SLC2A13: variants seen among roughly 807,000 people sequenced by gnomAD.
SLC2A13 encodes solute carrier family 2 member 13, also known as proton myo-inositol cotransporter.
Under a neutral mutation model 64.4 loss-of-function variants are expected in SLC2A13, and 32 were observed. The observed-to-expected ratio is 0.50, with a 90% CI of 0.37 to 0.67. SLC2A13 has a LOEUF of 0.67. SLC2A13 is among the 30% of genes least tolerant of loss of function. The pLI, the probability that SLC2A13 is intolerant of heterozygous loss-of-function variation, is 0.00. For missense variants in SLC2A13, 743 were observed against 829.2 expected (o/e 0.90, Z 1.28); for synonymous variants, 338 against 327.1 (o/e 1.03, Z -0.36).
chr12:39,909,764 A>G (rs1467181488), intron 4 of SLC2A13, among the ~76,000 whole-genome samples: 5 of 151,910 alleles, frequency 3.3e-5, no homozygotes, highest in Admixed American at 3.3e-4. Context: ...GACATATAGG[A>G]TTTTACTGAG....
chr12:39,884,122 A>G (rs957939322), intron 4 of SLC2A13, among the ~76,000 whole-genome samples: 1 of 152,142 alleles, frequency 6.6e-6, no homozygotes, highest in African/African-American at 2.4e-5. Flanking sequence ...CTGTAAACTA[A>G]ATCTGTATTT....
intron 7 of SLC2A13, among the ~76,000 whole-genome samples, chr12:39,776,317 G>A (rs1005021022): frequency 6.6e-6 from 1 of 152,128 alleles, no homozygotes; most frequent in Admixed American, 6.5e-5. Context: ...TCTGCCGACA[G>A]CTGAGTGGTC....
intron 3 of SLC2A13, among the ~76,000 whole-genome samples, chr12:40,003,769 C>T (rs1947359399): frequency 6.6e-6 from 1 of 151,756 alleles, no homozygotes; most frequent in Non-Finnish European, 1.5e-5. Flanking sequence ...TATAATACCA[C>T]ACACAAAAAT....
intron 7 of SLC2A13, among the ~76,000 whole-genome samples, chr12:39,812,483 C>A (rs955428295): frequency 6.7e-6 from 1 of 148,674 alleles, no homozygotes; most frequent in African/African-American, 2.5e-5. Flanking sequence ...CCCCTTCTCT[C>A]TTTTTGTGAG....
At chr12:39,770,955 G>T (rs1940543674) in intron 7 of SLC2A13, among the ~76,000 whole-genome samples, 1 of 152,136 alleles carries the variant, frequency 6.6e-6, no homozygotes, top group Non-Finnish European at 1.5e-5. Flanking sequence ...ATATCTCAAA[G>T]CTGTGTCATC....
Position 39,914,998 on chromosome 12 carries a change from CA to C in SLC2A13, c.1034+36258del, listed in dbSNP as rs1235362277. 5.3e-5 allele frequency among the ~76,000 whole-genome samples: 8 copies of C among 151,824 alleles called. No individual in the cohort carries two copies. The East Asian group carries it at 1.4e-3, about 26-fold the overall frequency. On this transcript the variant is annotated intron_variant, in intron 4 of 9. Coordinates refer to ENST00000280871, the MANE Select transcript of SLC2A13 (RefSeq NM_052885.4). ...CAGGTTATAGACTTAGTTTCAGGAA[CA>C]AAAGACTACAAAAGATTTATAAATA...
At chr12:40,072,756 ATATT>A (rs1259227597) in intron 1 of SLC2A13, among the ~76,000 whole-genome samples, 1 of 152,058 alleles carries the variant, frequency 6.6e-6, no homozygotes, top group African/African-American at 2.4e-5. Context: ...ATGTGTATTT[ATATT>A]TAAAGAGTTT....
chr12:39,987,226 C>T (rs1484476151), intron 3 of SLC2A13, among the ~76,000 whole-genome samples: 1 of 152,024 alleles, frequency 6.6e-6, no homozygotes, highest in Non-Finnish European at 1.5e-5. Flanking sequence ...GTCTCTGCCC[C>T]CAAGGATTTT....
chr12:40,032,964 A>G (rs1947926506), intron 2 of SLC2A13, among the ~76,000 whole-genome samples: 1 of 152,208 alleles, frequency 6.6e-6, no homozygotes, highest in African/African-American at 2.4e-5. Context: ...CAGCATAGAC[A>G]TGTAATTGTT....
intron 4 of SLC2A13, among the ~76,000 whole-genome samples, chr12:39,931,519 T>C (rs1156260887): frequency 2.6e-5 from 4 of 152,202 alleles, no homozygotes; most frequent in Non-Finnish European, 5.9e-5. Flanking sequence ...GCTGATGCTA[T>C]AGGAATGCTG....
chr12:39,826,257 T>A (rs1228791698), intron 7 of SLC2A13, among the ~76,000 whole-genome samples: 1 of 152,010 alleles, frequency 6.6e-6, no homozygotes, highest in Non-Finnish European at 1.5e-5. Context: ...TGCTTGTTTT[T>A]GTTTTTTTGA....
chr12:40,013,096 A>G (rs1947558280), intron 3 of SLC2A13, among the ~76,000 whole-genome samples: 1 of 152,180 alleles, frequency 6.6e-6, no homozygotes, highest in Admixed American at 6.5e-5. Flanking sequence ...TCTATAGTCA[A>G]AAGATACATG....
chr12:40,002,362 T>C lies in SLC2A13; in HGVS notation c.925+25939A>G, dbSNP rs79168048. 7.5e-3 allele frequency among the ~76,000 whole-genome samples: 1,141 copies of C among 152,322 alleles called. 14 individuals carry two copies. Among genetic ancestry groups the C allele is most frequent in the African/African-American group, 0.026 (1,084 of 41,556 alleles). Reference sequence around the variant, plus strand: ...CAAAGTCCCAATTCACACCCAGCTCTGTTTGACTCCAAAGTCTGTATTACA... The same window carrying C: ...CAAAGTCCCAATTCACACCCAGCTCCGTTTGACTCCAAAGTCTGTATTACA... On this transcript the variant is annotated intron_variant, in intron 3 of 9. Transcript: ENST00000280871.
Position 40,106,059 on chromosome 12 carries a change from C to G in SLC2A13, c.-251G>C, listed in dbSNP as rs890218533. ...CTCCACACTCACGCCCCGCGCCTGC[C>G]GAGCTGGCGCTGCGGAGCGGGCGGG... On this transcript the variant is annotated 5_prime_UTR_variant, in exon 1 of 10. Transcript: ENST00000280871. 8.4e-6 allele frequency: 3 copies of G among 355,968 alleles called. No individual in the cohort carries two copies. The highest frequency in any genetic ancestry group is 1.5e-5 in the Non-Finnish European group (3 of 204,168). 22.1% of individuals were successfully genotyped at this position (355,968 alleles called of 1,614,324 possible). A position where few individuals can be genotyped will look rare whatever the true frequency, so the allele number is the denominator to read the frequency against.
intron 3 of SLC2A13, 117 bp downstream of exon 3, chr12:40,028,184 T>C: frequency 2.1e-6 from 1 of 476,016 alleles, no homozygotes; most frequent in Non-Finnish European, 3.4e-6. Flanking sequence ...TAAATATCCA[T>C]ATTTATACAT....
intron 1 of SLC2A13, among the ~76,000 whole-genome samples, chr12:40,094,932 T>TC (rs1938889162): frequency 6.6e-6 from 1 of 152,102 alleles, no homozygotes; most frequent in African/African-American, 2.4e-5. Flanking sequence ...AGAAGACGCA[T>TC]CTGTGCAAGG....
intron 4 of SLC2A13, among the ~76,000 whole-genome samples, chr12:39,947,491 C>T (rs901305000): frequency 2.6e-5 from 4 of 152,144 alleles, no homozygotes; most frequent in Non-Finnish European, 5.9e-5. Context: ...TCACTACCTA[C>T]GTACACCTTT....
At chr12:39,913,476 T>C (rs1945464289) in intron 4 of SLC2A13, among the ~76,000 whole-genome samples, 1 of 151,574 alleles carries the variant, frequency 6.6e-6, no homozygotes, top group Non-Finnish European at 1.5e-5. Flanking sequence ...ATTTTTCAAA[T>C]TTAGTCATCA....
chr12:39,954,748 A>C (rs1265071524), intron 3 of SLC2A13, among the ~76,000 whole-genome samples: 1 of 152,188 alleles, frequency 6.6e-6, no homozygotes, highest in Non-Finnish European at 1.5e-5. Flanking sequence ...ATAACTAAGA[A>C]TGCACAAAGG....
Sources: gnomAD v4.1 joint callset for allele counts (sites outside exome capture counted in the v4.1 genomes callset) on GRCh38, gnomAD v4.1.1 for gene constraint, MANE v1.5 for transcripts, NCBI Gene and HGNC (gene_info 2026-07-23, HGNC 2026-07-21) for gene names.